STAG2: variants seen among roughly 807,000 people sequenced by gnomAD.
STAG2 encodes the protein cohesin subunit SA-2.
Under a neutral mutation model 108.1 loss-of-function variants are expected in STAG2, and 14 were observed. The ratio of observed to expected loss-of-function variants is 0.13; its 90% CI spans 0.09 to 0.20. The LOEUF is 0.20. Among genes scored for constraint, STAG2 ranks in the 10% least tolerant of loss-of-function variants. STAG2 has a pLI of 1.00. For missense variants in STAG2, 440 were observed against 940.9 expected, an observed-to-expected ratio of 0.47 and a Z score of 6.96; for synonymous variants, 307 against 302.7, an observed-to-expected ratio of 1.01 and a Z score of -0.15.
Position 123,972,490 on chromosome X carries a change from C to G in STAG2, c.-163+10634C>G, listed in dbSNP as rs2054400418. 1.8e-5 allele frequency among the ~76,000 whole-genome samples: 2 copies of G among 108,745 alleles called. 1 individual carries two copies. Among genetic ancestry groups the G allele is most frequent in the South Asian group, 8.0e-4 (2 of 2,500 alleles). The allele number at this position is 108,745 out of a possible 115,157, so 94.4% of individuals were successfully genotyped here. A position where few individuals can be genotyped will look rare whatever the true frequency, so the allele number is the denominator to read the frequency against. On this transcript the variant is annotated intron_variant, in intron 1 of 34. Transcript: ENST00000371145. ...GTTTCACCGTGTTAGCCAGGATGGT[C>G]TTGATCTCCTGACCTCGTGATCCGC...
chrX:124,098,616 C>T (rs2059440039), intron 34 of STAG2, among the ~76,000 whole-genome samples: 1 of 111,496 alleles, frequency 9.0e-6, no homozygotes, highest in Non-Finnish European at 1.9e-5. Flanking sequence ...AGGGAAGTAA[C>T]TCAAAGCACC....
intron 1 of STAG2, among the ~76,000 whole-genome samples, chrX:124,009,706 C>T (rs1338240561): frequency 9.0e-6 from 1 of 110,953 alleles, no homozygotes; most frequent in Non-Finnish European, 1.9e-5. Context: ...TTGACTTGTA[C>T]TGTCATATTT....
chrX:124,082,607 T>G (rs1488897357), intron 28 of STAG2, among the ~76,000 whole-genome samples: 1 of 110,691 alleles, frequency 9.0e-6, no homozygotes, highest in Non-Finnish European at 1.9e-5. Context: ...TTGCCCAGGC[T>G]GGTCTTGAAC....
intron 1 of STAG2, among the ~76,000 whole-genome samples, chrX:124,009,371 A>G (rs1327182795): frequency 9.2e-6 from 1 of 108,189 alleles, no homozygotes; most frequent in East Asian, 2.9e-4. Flanking sequence ...CCCTAATGAT[A>G]TCTGGTACCA....
rs1176282297 is a variant in STAG2 at position 123,986,041 on chromosome X, C to CAT, written c.-163+24196_-163+24197dup. Among the ~76,000 whole-genome samples the CAT allele has an allele frequency of 1.0e-3, 105 of 105,054 alleles. 1 individual carries two copies. Among genetic ancestry groups the CAT allele is most frequent in the Middle Eastern group, 4.9e-3 (1 of 203 alleles). The allele number at this position is 105,054 out of a possible 115,157, so 91.2% of individuals were successfully genotyped here. A position where few individuals can be genotyped will look rare whatever the true frequency, so the allele number is the denominator to read the frequency against. On this transcript the variant is annotated intron_variant, in intron 1 of 34. Coordinates refer to ENST00000371145, the MANE Select transcript of STAG2 (RefSeq NM_001042750.2). ...CTTGAAGAGTAGTACTCTAACCTCA[C>CAT]ATATATATATATCATATATATGTGT...
chrX:124,075,366 C>T (rs1247950356), intron 25 of STAG2, among the ~76,000 whole-genome samples: 1 of 111,487 alleles, frequency 9.0e-6, no homozygotes, highest in Non-Finnish European at 1.9e-5. Context: ...CTCCACCTCC[C>T]GGGTTCAAGC....
At chrX:124,097,022 T>TA in intron 34 of STAG2, among the ~76,000 whole-genome samples, 1 of 109,125 alleles carries the variant, frequency 9.2e-6, no homozygotes, top group Middle Eastern at 4.8e-3. Context: ...TTACAAAAAC[T>TA]AAAAAAATTA....
intron 1 of STAG2, among the ~76,000 whole-genome samples, chrX:123,997,892 C>T (rs147507572): frequency 0.075 from 8,422 of 111,896 alleles, 308 homozygotes; most frequent in Non-Finnish European, 0.12. Flanking sequence ...CCGCCCACCT[C>T]GGCCTCCCAA....
At chrX:124,028,949 G>A (rs966101150) in intron 4 of STAG2, among the ~76,000 whole-genome samples, 25 of 100,001 alleles carry the variant, frequency 2.5e-4, no homozygotes, top group African/African-American at 7.7e-4. Flanking sequence ...CACTGCTCCC[G>A]GTCGTTTTAA....
chrX:124,090,113 A>G (rs973370886), intron 30 of STAG2, among the ~76,000 whole-genome samples: 4 of 87,440 alleles, frequency 4.6e-5, no homozygotes, highest in Admixed American at 1.5e-4. Flanking sequence ...GTGAGCTGAG[A>G]TTGCGCCACT....
chrX:124,078,012 T>C lies in STAG2; in HGVS notation c.2729T>C (p.Ile910Thr). ...IKETMSKTRQ[I>T]DKIQCAKTLI... ...GAAACAATGAGTAAAACAAGGCAGATAGACAAAATTCAGTGTGCTAAGACC... is the reference window on the plus strand; with the variant it reads ...GAAACAATGAGTAAAACAAGGCAGACAGACAAAATTCAGTGTGCTAAGACC... Residue 910 changes from isoleucine to threonine, a missense_variant, in exon 27 of 35, where the codon ATA becomes ACA. This residue lies in a region of STAG2 where 337 missense variants were observed against 649.3 expected (regional missense o/e 0.52). Transcript: ENST00000371145. 8.3e-7 allele frequency: 1 copy of C among 1,199,462 alleles called. No individual in the cohort carries two copies. The highest frequency in any genetic ancestry group is 1.1e-6 in the Non-Finnish European group (1 of 890,664).
Position 124,045,307 on chromosome X carries a change from A to T in STAG2, c.606A>T (p.Ser202=), listed in dbSNP as rs2148180366. Residue 202 remains serine, a synonymous_variant, in exon 8 of 35, where the codon TCA becomes TCT. Coordinates refer to ENST00000371145, the MANE Select transcript of STAG2 (RefSeq NM_001042750.2). ...AGTATATGATGGATACAGTCATTTC[A>T]CTTCTTACAGGATTGTCTGACTCAC... is the stretch of plus-strand genomic sequence containing the variant. ...YDEYMMDTVI[S]LLTGLSDSQV... 8.3e-7 allele frequency: 1 copy of T among 1,210,452 alleles called. No homozygotes were observed. Among genetic ancestry groups the T allele is most frequent in the Non-Finnish European group, 1.1e-6 (1 of 894,991 alleles).
At chrX:124,082,947 G>A (rs1252825693) in intron 28 of STAG2, among the ~76,000 whole-genome samples, 2 of 110,602 alleles carry the variant, frequency 1.8e-5, no homozygotes, top group African/African-American at 6.6e-5. Context: ...GGTATTTATC[G>A]TCACATAAAT....
chrX:124,087,879 C>A (rs759054887), intron 30 of STAG2, among the ~76,000 whole-genome samples: 1 of 112,076 alleles, frequency 8.9e-6, no homozygotes, highest in East Asian at 2.8e-4. Context: ...ATTTTAGTAT[C>A]TTTTGTCCAG....
intron 1 of STAG2, among the ~76,000 whole-genome samples, chrX:123,995,576 C>T (rs1292552011): frequency 9.1e-6 from 1 of 110,438 alleles, no homozygotes; most frequent in Non-Finnish European, 1.9e-5. Flanking sequence ...CGCCTGTAGT[C>T]CCAGCTACTC....
intron 9 of STAG2, 116 bp downstream of exon 9, chrX:124,047,621 A>C: frequency 1.6e-6 from 1 of 617,560 alleles, no homozygotes; most frequent in Non-Finnish European, 2.5e-6. Context: ...AAATGTAAAT[A>C]ACATTTCAAA....
In STAG2 at chrX:124,051,237, A is replaced by T. The variant is rs746137310; in HGVS notation, c.1116+18A>T. ...GGTTCAAGGTTAGTATTACTTAAGA[A>T]TTTACAAATAACTTGTCATTTGCAA... On this transcript the variant is annotated intron_variant, in intron 12 of 34. Coordinates refer to ENST00000371145, the MANE Select transcript of STAG2 (RefSeq NM_001042750.2). 2 of 1,158,738 alleles carry T rather than the reference A, an allele frequency of 1.7e-6. No homozygotes were observed. Among genetic ancestry groups the T allele is most frequent in the South Asian group, 3.8e-5 (2 of 52,244 alleles).
intron 30 of STAG2, among the ~76,000 whole-genome samples, chrX:124,087,253 T>C (rs750710983): frequency 8.9e-6 from 1 of 112,211 alleles, no homozygotes; most frequent in South Asian, 3.7e-4. Flanking sequence ...TGCTATCGTA[T>C]TAGAGGTAGG....
In STAG2 at chrX:124,090,776, T is replaced by A; in HGVS notation, c.3467+12T>A. The A allele has an allele frequency of 1.7e-6, 2 of 1,206,293 alleles. No homozygotes were observed. Among genetic ancestry groups the A allele is most frequent in the Non-Finnish European group, 2.2e-6 (2 of 891,080 alleles). On this transcript the variant is annotated intron_variant, in intron 31 of 34. Transcript: ENST00000371145. ...CCTCTTGATTATAAGTAAGTACATT[T>A]GATCATTTTCTGTACTATAACTTTA...
Sources: allele counts gnomAD v4.1 joint callset (sites outside exome capture counted in the v4.1 genomes callset), GRCh38; gene constraint gnomAD v4.1.1; regional missense constraint gnomAD v4.1.1; transcripts MANE v1.5; gene names NCBI Gene and HGNC (gene_info 2026-07-23, HGNC 2026-07-21).